PTPN22: variants seen among roughly 807,000 people sequenced by gnomAD.
PTPN22 encodes the protein protein tyrosine phosphatase non-receptor type 22.
In PTPN22, 85 loss-of-function variants were observed where a neutral mutation model predicts 103.3. The observed-to-expected ratio is 0.82, with a 90% CI of 0.69 to 0.99. The LOEUF is 0.99. Ranked by LOEUF, PTPN22 falls within the 50% of genes least tolerant of loss-of-function variation. The pLI is 0.00. For missense variants in PTPN22, 865 were observed against 936.9 expected (o/e 0.92, Z 1.00); for synonymous variants, 323 against 310.2 (o/e 1.04, Z -0.43).
intron 15 of PTPN22, 126 bp from the exon 16 acceptor site, chr1:113,833,264 AC>A: frequency 1.6e-6 from 1 of 643,448 alleles, no homozygotes; most frequent in Non-Finnish European, 2.5e-6. Flanking sequence ...TGAAATGTAG[AC>A]CCTATTTTTC....
chr1:113,848,452 A>G lies in PTPN22; in HGVS notation c.915+88T>C, dbSNP rs1343312432. On this transcript the variant is annotated intron_variant, in intron 11 of 20. Coordinates refer to ENST00000359785, the Ensembl canonical transcript of PTPN22. Reference sequence around the variant, plus strand: ...TGACGCTCTCAATTTAGTTGTGACAATAGATAAATCCTGCAACAAATCTGA... The same window carrying G: ...TGACGCTCTCAATTTAGTTGTGACAGTAGATAAATCCTGCAACAAATCTGA... 8 of 1,588,140 alleles carry G rather than the reference A, an allele frequency of 5.0e-6. No homozygotes were observed. In the East Asian group the frequency reaches 1.8e-4, roughly 36 times the overall value.
intron 13 of PTPN22, among the ~76,000 whole-genome samples, chr1:113,836,785 G>T (rs1436620147): frequency 6.6e-6 from 1 of 151,910 alleles, no homozygotes; most frequent in Non-Finnish European, 1.5e-5. Context: ...AATTAGCCAG[G>T]CATGGTGGCG....
chr1:113,854,026 C>T (rs1007720907), intron 9 of PTPN22, among the ~76,000 whole-genome samples: 17 of 151,832 alleles, frequency 1.1e-4, no homozygotes, highest in African/African-American at 3.1e-4. Flanking sequence ...CCACCATGCC[C>T]GGCTAATTTT....
intron 11 of PTPN22, among the ~76,000 whole-genome samples, chr1:113,842,599 G>A (rs867568397): frequency 2.0e-4 from 30 of 151,904 alleles, no homozygotes; most frequent in South Asian, 4.2e-4. Context: ...GCTTGAACCC[G>A]GGAGGCAGAG....
chr1:113,814,587 T>G (rs982753810), exon 21 of PTPN22: 1 of 218,186 alleles, frequency 4.6e-6, no homozygotes, highest in Admixed American at 5.4e-5. Flanking sequence ...TATGTTTATG[T>G]AGAAAAGTAA....
intron 1 of PTPN22, among the ~76,000 whole-genome samples, chr1:113,870,806 G>A (rs1201642913): frequency 6.6e-6 from 1 of 152,176 alleles, no homozygotes; most frequent in Admixed American, 6.5e-5. Context: ...ATTGCTTGAA[G>A]CCAGGAGTTC....
intron 11 of PTPN22, among the ~76,000 whole-genome samples, chr1:113,843,106 A>AAAAAAAAAAAG (rs1421453729): frequency 2.8e-5 from 4 of 143,756 alleles, no homozygotes; most frequent in African/African-American, 8.2e-5. Flanking sequence ...TCTCAAAAAA[A>AAAAAAAAAAAG]AAAAAAAAGA....
At chr1:113,845,020 T>A (rs1395360999) in intron 11 of PTPN22, among the ~76,000 whole-genome samples, 1 of 152,060 alleles carries the variant, frequency 6.6e-6, no homozygotes, top group African/African-American at 2.4e-5. Flanking sequence ...GGTCCCCCTG[T>A]GTTACCCAGG....
chr1:113,829,825 G>T (rs1166630894), intron 17 of PTPN22, 118 bp from the exon 18 acceptor site: 2 of 1,196,268 alleles, frequency 1.7e-6, no homozygotes, highest in Non-Finnish European at 2.4e-6. Context: ...ATATATTAGG[G>T]GCTTTTAAAA....
At chr1:113,842,349 C>T (rs940293502) in intron 11 of PTPN22, among the ~76,000 whole-genome samples, 5 of 152,220 alleles carry the variant, frequency 3.3e-5, no homozygotes, top group African/African-American at 1.2e-4. Context: ...AATGAGATAC[C>T]ACTTCACACC....
chr1:113,837,609 G>A, exon 13 of PTPN22: 1 of 1,583,990 alleles, frequency 6.3e-7, no homozygotes, highest in Non-Finnish European at 8.7e-7. Flanking sequence ...CTGACTCCTG[G>A]TTCAATAGTG....
At position 113,829,893 on chromosome 1, in the gene PTPN22, A is replaced by C. The variant is rs1662405302; in HGVS notation, c.2134+56T>G. 8.2e-6 allele frequency: 12 copies of C among 1,469,144 alleles called. No homozygotes were observed. In the South Asian group the frequency reaches 1.1e-4, roughly 14 times the overall value. The allele number at this position is 1,469,144 out of a possible 1,614,324, so 91.0% of individuals were successfully genotyped here. On this transcript the variant is annotated intron_variant, in intron 17 of 20. Transcript: ENST00000359785. ...TCCATTTAGGTCCTACTTTATTGTTAATCTTTTAACATTTTCATTTTTATG... is the reference window on the plus strand; with the variant it reads ...TCCATTTAGGTCCTACTTTATTGTTCATCTTTTAACATTTTCATTTTTATG...
chr1:113,830,452 A>G (rs1407943068), intron 16 of PTPN22, among the ~76,000 whole-genome samples: 2 of 152,124 alleles, frequency 1.3e-5, no homozygotes, highest in Admixed American at 1.3e-4. Context: ...TAGAAAGGAG[A>G]ACGGTTATAT....
intron 1 of PTPN22, among the ~76,000 whole-genome samples, chr1:113,860,965 G>T (rs1665530160): frequency 2.0e-5 from 3 of 152,172 alleles, no homozygotes; most frequent in Admixed American, 2.0e-4. Flanking sequence ...ATGGGTGTGT[G>T]TGTGTATGTG....
chr1:113,823,197 G>A (rs1175376437), intron 19 of PTPN22: 1 of 152,152 alleles, frequency 6.6e-6, no homozygotes, highest in Non-Finnish European at 1.5e-5. Context: ...CATATACCAA[G>A]TGCCTTACAG....
At chr1:113,855,124 A>G in intron 7 of PTPN22, 75 bp from the exon 8 acceptor site, 4 of 1,323,494 alleles carry the variant, frequency 3.0e-6, no homozygotes, top group Non-Finnish European at 4.3e-6. Context: ...TATGCTCACT[A>G]CCTGGGTGAT....
At chr1:113,830,081 A>G (rs763995750) in intron 16 of PTPN22, 52 bp from the exon 17 acceptor site, 15 of 1,255,680 alleles carry the variant, frequency 1.2e-5, no homozygotes, top group East Asian at 4.7e-5. Context: ...ATTAAAAGTC[A>G]TAAGTCAACA....
chr1:113,830,006 G>T (rs751324264), exon 17 of PTPN22: 2 of 1,605,290 alleles, frequency 1.2e-6, no homozygotes, highest in Non-Finnish European at 1.7e-6. Flanking sequence ...GGAGGTGGGG[G>T]AGAAGAACGA....
At chr1:113,830,568 T>A (rs1358168225) in intron 16 of PTPN22, among the ~76,000 whole-genome samples, 1 of 152,206 alleles carries the variant, frequency 6.6e-6, no homozygotes, top group Non-Finnish European at 1.5e-5. Flanking sequence ...TAGATTTTGT[T>A]TGAATCCAGA....
Sources: gnomAD v4.1 joint callset for allele counts (sites outside exome capture counted in the v4.1 genomes callset) on GRCh38, gnomAD v4.1.1 for gene constraint, MANE v1.5 for transcripts, NCBI Gene and HGNC (gene_info 2026-07-23, HGNC 2026-07-21) for gene names.